The following AKAP6 variants were observed in gnomAD, a reference collection of about 807,000 sequenced individuals.
The protein encoded by AKAP6 is A-kinase anchor protein 6.
A neutral mutation model predicts 188.5 loss-of-function variants in AKAP6; 58 were observed. That is an observed-to-expected ratio of 0.31 (90% CI 0.25 to 0.38). The LOEUF is 0.38. Among genes scored for constraint, AKAP6 ranks in the 10% least tolerant of loss-of-function variants. The probability of loss-of-function intolerance (pLI) is 1.00; values close to 1 mark genes in which losing one functional copy is unlikely to be tolerated. For synonymous variants in AKAP6, 989 were observed against 998.6 expected, an observed-to-expected ratio of 0.99 and a Z score of 0.18; for missense variants, 2,710 against 2,740.0, an observed-to-expected ratio of 0.99 and a Z score of 0.24.
intron 8 of AKAP6, 137 bp downstream of exon 8, chr14:32,678,596 C>A (rs1889539477): frequency 4.1e-6 from 4 of 977,962 alleles, no homozygotes; most frequent in South Asian, 3.7e-5. Flanking sequence ...CATTAATGTT[C>A]TTTTCCATTT....
chr14:32,428,486 G>T (rs1364057446), intron 1 of AKAP6, among the ~76,000 whole-genome samples: 1 of 152,004 alleles, frequency 6.6e-6, no homozygotes. Flanking sequence ...ATATTGTTTG[G>T]CCACAAGAAG....
At chr14:32,795,185 A>G (rs2033729330) in intron 12 of AKAP6, among the ~76,000 whole-genome samples, 1 of 152,202 alleles carries the variant, frequency 6.6e-6, no homozygotes, top group Admixed American at 6.5e-5. Context: ...TTGGATTCAC[A>G]GCTGAATTCT....
intron 5 of AKAP6, among the ~76,000 whole-genome samples, chr14:32,589,919 G>A (rs886580823): frequency 3.9e-5 from 6 of 152,116 alleles, no homozygotes; most frequent in Non-Finnish European, 8.8e-5. Flanking sequence ...GAGCTGGGGT[G>A]TGGTCACCTA....
At chr14:32,490,626 G>T (rs1386589464) in intron 2 of AKAP6, among the ~76,000 whole-genome samples, 1 of 152,080 alleles carries the variant, frequency 6.6e-6, no homozygotes. Context: ...TGGGTTCTGA[G>T]CTCCAGTTTT....
intron 8 of AKAP6, among the ~76,000 whole-genome samples, chr14:32,687,099 AGAG>A (rs1889958304): frequency 6.6e-6 from 1 of 152,208 alleles, no homozygotes; most frequent in Non-Finnish European, 1.5e-5. Flanking sequence ...TTGGCAGGAA[AGAG>A]GAGTTCATTT....
At chr14:32,482,438 T>G (rs1205382145) in intron 2 of AKAP6, among the ~76,000 whole-genome samples, 2 of 152,342 alleles carry the variant, frequency 1.3e-5, no homozygotes, top group Admixed American at 1.3e-4. Context: ...GTCTCAACCT[T>G]CATTTCCTTT....
At chr14:32,438,439 A>C (rs1259431491) in intron 2 of AKAP6, among the ~76,000 whole-genome samples, 1 of 152,066 alleles carries the variant, frequency 6.6e-6, no homozygotes, top group African/African-American at 2.4e-5. Flanking sequence ...GTTGATCCTA[A>C]AGTCTGTTTC....
intron 3 of AKAP6, among the ~76,000 whole-genome samples, chr14:32,537,773 T>C (rs1882751921): frequency 6.6e-6 from 1 of 152,220 alleles, no homozygotes; most frequent in South Asian, 2.1e-4. Flanking sequence ...GTTGTTATTA[T>C]TGTTCTGTGG....
At chr14:32,470,193 G>A (rs775518735) in intron 2 of AKAP6, among the ~76,000 whole-genome samples, 5 of 152,138 alleles carry the variant, frequency 3.3e-5, no homozygotes, top group Non-Finnish European at 7.4e-5. Flanking sequence ...AGTGTGGTCT[G>A]TGGACTGGAC....
chr14:32,786,495 T>TAG (rs1466813951), intron 12 of AKAP6, among the ~76,000 whole-genome samples: 1 of 37,146 alleles, frequency 2.7e-5, no homozygotes, highest in Admixed American at 4.0e-4. Context: ...TTATTTTATT[T>TAG]TTTTATTTTT....
intron 2 of AKAP6, among the ~76,000 whole-genome samples, chr14:32,467,969 G>A (rs1391926289): frequency 6.6e-6 from 1 of 151,850 alleles, no homozygotes; most frequent in Non-Finnish European, 1.5e-5. Flanking sequence ...TTGTCATCAA[G>A]GGACTTTTCA....
At chr14:32,775,480 T>TG (rs1162652113) in intron 12 of AKAP6, among the ~76,000 whole-genome samples, 3 of 151,548 alleles carry the variant, frequency 2.0e-5, no homozygotes, top group Non-Finnish European at 4.4e-5. Flanking sequence ...TCTCCCAGAC[T>TG]GGGGTACAGT....
intron 1 of AKAP6, among the ~76,000 whole-genome samples, chr14:32,368,830 A>G (rs1887916115): frequency 2.0e-5 from 3 of 152,074 alleles, no homozygotes; most frequent in East Asian, 1.9e-4. Flanking sequence ...ATAAGACTAA[A>G]TAATCCCTGC....
chr14:32,755,483 T>C (rs1164594128), intron 11 of AKAP6, among the ~76,000 whole-genome samples: 1 of 151,472 alleles, frequency 6.6e-6, no homozygotes, highest in Non-Finnish European at 1.5e-5. Flanking sequence ...TTTATTTGTG[T>C]TCTCTTGTAG....
At chr14:32,535,426 A>T in intron 2 of AKAP6, 128 bp from the exon 3 acceptor site, 1 of 1,102,140 alleles carries the variant, frequency 9.1e-7, no homozygotes, top group Non-Finnish European at 1.3e-6. Context: ...CAAAGGCCCC[A>T]GGTATCCAAT....
Position 32,832,344 on chromosome 14 carries a change from G to A in AKAP6, c.*2539G>A, listed in dbSNP as rs1199792413. The A allele has an allele frequency of 6.6e-6, 1 of 152,080 alleles. No homozygotes were observed. Among genetic ancestry groups the A allele is most frequent in the East Asian group, 1.9e-4 (1 of 5,174 alleles). 9.4% of individuals were successfully genotyped at this position (152,080 alleles called of 1,614,324 possible). ...CTGACACAACCTAAATTTTCTTTGG[G>A]TAGTAACTAATGTCAAGTCTACATC... On this transcript the variant is annotated 3_prime_UTR_variant, in exon 14 of 14. Coordinates refer to ENST00000280979, the MANE Select transcript of AKAP6 (RefSeq NM_004274.5).
At chr14:32,571,647 A>G (rs1884493966) in intron 4 of AKAP6, among the ~76,000 whole-genome samples, 1 of 152,234 alleles carries the variant, frequency 6.6e-6, no homozygotes, top group Non-Finnish European at 1.5e-5. Flanking sequence ...GTCAGACATC[A>G]TGCCTAATTT....
At chr14:32,486,332 G>GT (rs1428358909) in intron 2 of AKAP6, among the ~76,000 whole-genome samples, 2 of 151,980 alleles carry the variant, frequency 1.3e-5, no homozygotes, top group African/African-American at 2.4e-5. Context: ...ATTTAAAGTA[G>GT]TTTTTTCTAA....
intron 7 of AKAP6, among the ~76,000 whole-genome samples, chr14:32,604,273 T>C (rs1049849805): frequency 1.3e-5 from 2 of 152,136 alleles, no homozygotes; most frequent in Non-Finnish European, 2.9e-5. Context: ...TATCCGCAGA[T>C]GCAGAAGTTG....
Sources: gnomAD v4.1 joint callset for allele counts (sites outside exome capture counted in the v4.1 genomes callset) on GRCh38, gnomAD v4.1.1 for gene constraint, MANE v1.5 for transcripts, NCBI Gene and HGNC (gene_info 2026-07-23, HGNC 2026-07-21) for gene names.